The following KIF1B variants were observed in gnomAD, a reference collection of about 807,000 sequenced individuals.
KIF1B encodes the protein kinesin-like protein KIF1B.
In KIF1B, 76 loss-of-function variants were observed where a neutral mutation model predicts 241.9. The ratio of observed to expected loss-of-function variants is 0.31; its 90% CI spans 0.26 to 0.38. The LOEUF is 0.38. Ranked by LOEUF, KIF1B falls within the 10% of genes least tolerant of loss-of-function variation. The pLI is 1.00. For missense variants in KIF1B, 1,622 were observed against 2,271.4 expected, an observed-to-expected ratio of 0.71 and a Z score of 5.81; for synonymous variants, 750 against 796.7, an observed-to-expected ratio of 0.94 and a Z score of 0.99.
chr1:10,336,632 T>C, intron 28 of KIF1B, 25 bp from the exon 29 acceptor site: 1 of 1,596,450 alleles, frequency 6.3e-7, no homozygotes, highest in South Asian at 1.1e-5. Flanking sequence ...CACTCAATTC[T>C]TGCTAATTTT....
chr1:10,320,563 C>T (rs1255230872), intron 23 of KIF1B, among the ~76,000 whole-genome samples: 1 of 152,190 alleles, frequency 6.6e-6, no homozygotes, highest in East Asian at 1.9e-4. Flanking sequence ...GGTTTTCCAG[C>T]ATTTCTTAGT....
chr1:10,280,335 A>G (rs1014879468), intron 14 of KIF1B, among the ~76,000 whole-genome samples: 5 of 152,090 alleles, frequency 3.3e-5, no homozygotes, highest in Middle Eastern at 3.4e-3. Context: ...CCTGGGTTCA[A>G]GCGATTTCTC....
In KIF1B at chr1:10,337,594, C is replaced by T. The variant is rs1374047856; in HGVS notation, c.3422+61C>T. The T allele has an allele frequency of 5.2e-5, 81 of 1,566,866 alleles. No individual in the cohort carries two copies. The highest frequency in any genetic ancestry group is 1.7e-4 in the Middle Eastern group (1 of 5,912). Reference sequence around the variant, plus strand: ...GCTAACCGAGGTGACATCTCTTGTGCACTGTAGAGTGCTTTACATGTGTGA... The same window carrying T: ...GCTAACCGAGGTGACATCTCTTGTGTACTGTAGAGTGCTTTACATGTGTGA... On this transcript the variant is annotated intron_variant, in intron 31 of 48. Transcript: ENST00000676179. The surrounding 1 kb of genome is among the most constrained non-coding windows in gnomAD (Gnocchi z 4.0).
At chr1:10,244,391 C>T (rs192342519) in intron 2 of KIF1B, among the ~76,000 whole-genome samples, 3 of 147,814 alleles carry the variant, frequency 2.0e-5, no homozygotes, top group Non-Finnish European at 4.5e-5. Context: ...CTCGGCTCAC[C>T]GCAACCTCCG....
chr1:10,297,092 C>T lies in KIF1B; in HGVS notation c.2042+15C>T, dbSNP rs757127158. 42 of 1,612,980 alleles carry T rather than the reference C, an allele frequency of 2.6e-5. No individual in the cohort carries two copies. Among genetic ancestry groups the T allele is most frequent in the African/African-American group, 9.4e-5 (7 of 74,694 alleles). On this transcript the variant is annotated intron_variant, in intron 21 of 48. Coordinates refer to ENST00000676179, the MANE Select transcript of KIF1B (RefSeq NM_001365951.3). ...ATGGAGAAAAGGTAATGCACAGTTA[C>T]GCAGCCCATATGACTGTTTCTTCTT... is the stretch of plus-strand genomic sequence containing the variant.
At chr1:10,351,383 G>C (rs187154950) in intron 37 of KIF1B, among the ~76,000 whole-genome samples, 4 of 152,220 alleles carry the variant, frequency 2.6e-5, no homozygotes, top group Admixed American at 2.6e-4. Context: ...AACAAACTCT[G>C]ATGTAGTATT....
intron 27 of KIF1B, among the ~76,000 whole-genome samples, chr1:10,332,610 G>T (rs566702028): frequency 7.1e-6 from 1 of 141,280 alleles, no homozygotes. Flanking sequence ...CCGCCTCCCG[G>T]GTTCACGCCA....
At chr1:10,260,995 C>T (rs1269185163) in intron 4 of KIF1B, among the ~76,000 whole-genome samples, 1 of 149,966 alleles carries the variant, frequency 6.7e-6, no homozygotes, top group Non-Finnish European at 1.5e-5. Context: ...GAGACAGAGT[C>T]TTGCTTTGTC....
Position 10,269,686 on chromosome 1 carries a change from T to C in KIF1B, c.720+1423T>C, listed in dbSNP as rs572307936. Among the ~76,000 whole-genome samples the C allele has an allele frequency of 1.1e-4, 17 of 151,052 alleles. No individual in the cohort carries two copies. The South Asian group carries it at 3.2e-3, about 28-fold the overall frequency. ...AATACAAAAAATTAGCCGGTCATGG[T>C]GTGTGCCGGTAATCCTAGCTACTCC... On this transcript the variant is annotated intron_variant, in intron 7 of 48. Coordinates refer to ENST00000676179, the MANE Select transcript of KIF1B (RefSeq NM_001365951.3).
Position 10,326,458 on chromosome 1 carries a change from C to T in KIF1B, c.2924+99C>T. 2 of 1,441,690 alleles carry T rather than the reference C, an allele frequency of 1.4e-6. No individual in the cohort carries two copies. Among genetic ancestry groups the T allele is most frequent in the Admixed American group, 1.7e-5 (1 of 59,678 alleles). 89.3% of individuals were successfully genotyped at this position (1,441,690 alleles called of 1,614,324 possible). A position where few individuals can be genotyped will look rare whatever the true frequency, so the allele number is the denominator to read the frequency against. ...TTGGATAACCTTGCATTAGCCAATT[C>T]AACTCATGAATGCTCTTTTTCAAGT... On this transcript the variant is annotated intron_variant, in intron 27 of 48. Coordinates refer to ENST00000676179, the MANE Select transcript of KIF1B (RefSeq NM_001365951.3). The surrounding 1 kb of genome is among the most constrained non-coding windows in gnomAD (Gnocchi z 5.2).
chr1:10,322,492 G>A (rs1019408756), intron 24 of KIF1B, among the ~76,000 whole-genome samples: 2 of 152,152 alleles, frequency 1.3e-5, no homozygotes, highest in African/African-American at 4.8e-5. Context: ...ATTCATTTTT[G>A]TAAGTATTAC....
At chr1:10,341,727 T>C (rs1361218034) in intron 32 of KIF1B, among the ~76,000 whole-genome samples, 2 of 152,168 alleles carry the variant, frequency 1.3e-5, no homozygotes, top group Non-Finnish European at 2.9e-5. Context: ...TCCAGCACTT[T>C]GGGAGCTGAG....
chr1:10,259,208 G>T (rs1186906861), intron 4 of KIF1B, among the ~76,000 whole-genome samples: 1 of 148,524 alleles, frequency 6.7e-6, no homozygotes, highest in Non-Finnish European at 1.5e-5. Context: ...TTTATTGTTT[G>T]GGAATGAAGA....
At chr1:10,235,658 C>T (rs111473216) in intron 2 of KIF1B, among the ~76,000 whole-genome samples, 394 of 151,806 alleles carry the variant, frequency 2.6e-3, no homozygotes, top group Non-Finnish European at 3.9e-3. Flanking sequence ...GTCAGGAGTT[C>T]AAGACCAGCC....
At chr1:10,364,200 C>CTTTTTTTTCTTTTT (rs1449980463) in intron 41 of KIF1B, among the ~76,000 whole-genome samples, 6 of 113,860 alleles carry the variant, frequency 5.3e-5, no homozygotes, top group African/African-American at 2.0e-4. Flanking sequence ...GGGACAGGAT[C>CTTTTTTTTCTTTTT]TTTTTTTTTT....
chr1:10,214,327 T>C lies in KIF1B; in HGVS notation c.-80+3449T>C, dbSNP rs369598215. ...TTTTTTAAGACAGAGTCTCGCCCTG[T>C]CACCCAGGCTGGAGTGCATTGGTGT... is the stretch of plus-strand genomic sequence containing the variant. On this transcript the variant is annotated intron_variant, in intron 1 of 48. Transcript: ENST00000676179. 4.7e-4 allele frequency among the ~76,000 whole-genome samples: 72 copies of C among 152,090 alleles called. 1 individual carries two copies. The highest frequency in any genetic ancestry group is 1.7e-3 in the African/African-American group (70 of 41,486).
At chr1:10,282,922 T>C (rs1477821445) in intron 15 of KIF1B, among the ~76,000 whole-genome samples, 2 of 151,484 alleles carry the variant, frequency 1.3e-5, no homozygotes, top group South Asian at 4.1e-4. Flanking sequence ...AAGATGAAGT[T>C]TGGGCCGGGT....
At chr1:10,342,785 G>A (rs1348569531) in intron 33 of KIF1B, among the ~76,000 whole-genome samples, 1 of 151,928 alleles carries the variant, frequency 6.6e-6, no homozygotes, top group Non-Finnish European at 1.5e-5. Flanking sequence ...TGAAAAAACA[G>A]GGTTTATTGA....
chr1:10,240,027 A>T (rs924513838), intron 2 of KIF1B, among the ~76,000 whole-genome samples: 2 of 151,956 alleles, frequency 1.3e-5, no homozygotes, highest in Non-Finnish European at 2.9e-5. Context: ...CGGCCTCCCA[A>T]AGTGTTGGGA....
Sources: allele counts gnomAD v4.1 joint callset (sites outside exome capture counted in the v4.1 genomes callset), GRCh38; gene constraint gnomAD v4.1.1; non-coding constraint Gnocchi (gnomAD v3.1); transcripts MANE v1.5; gene names NCBI Gene and HGNC (gene_info 2026-07-23, HGNC 2026-07-21).